CUX2: variants seen among roughly 807,000 people sequenced by gnomAD.
CUX2 encodes homeobox protein cut-like 2.
In CUX2, 40 loss-of-function variants were observed where a neutral mutation model predicts 144.8. That is an observed-to-expected ratio of 0.28 (90% CI 0.21 to 0.36). The LOEUF is 0.36. Among genes scored for constraint, CUX2 ranks in the 10% least tolerant of loss-of-function variants. The pLI is 1.00. For missense variants in CUX2, 1,615 were observed against 1,994.0 expected, an observed-to-expected ratio of 0.81 and a Z score of 3.62; for synonymous variants, 827 against 875.6, an observed-to-expected ratio of 0.94 and a Z score of 0.98.
intron 1 of CUX2, among the ~76,000 whole-genome samples, chr12:111,136,930 T>A (rs1272785850): frequency 6.6e-6 from 1 of 151,122 alleles, no homozygotes; most frequent in Non-Finnish European, 1.5e-5. Flanking sequence ...ATCCGCTGTT[T>A]ATTTTTTATG....
rs1214982799 is a variant in CUX2, at chr12:111,310,710, C to A, written c.1900+28C>A. Reference sequence around the variant, plus strand: ...GAGTGCCCAAGAGGGCCCGTCCCCGCTGGCCACCACGCCAGGTCCAGGGCA... The same window carrying A: ...GAGTGCCCAAGAGGGCCCGTCCCCGATGGCCACCACGCCAGGTCCAGGGCA... On this transcript the variant is annotated intron_variant, in intron 15 of 21. Coordinates refer to ENST00000261726, the MANE Select transcript of CUX2 (RefSeq NM_015267.4). This position sits in a 1 kb window ranked among gnomAD's most constrained non-coding sequence, Gnocchi z 7.9. 6.4e-7 allele frequency: 1 copy of A among 1,555,138 alleles called. No homozygotes were observed. Among genetic ancestry groups the A allele is most frequent in the Admixed American group, 1.7e-5 (1 of 57,330 alleles).
At chr12:111,231,931 C>A (rs1261953388) in intron 3 of CUX2, among the ~76,000 whole-genome samples, 2 of 151,894 alleles carry the variant, frequency 1.3e-5, no homozygotes, top group African/African-American at 4.8e-5. Context: ...CATGGTGAAA[C>A]CCTGTCTCTA....
intron 18 of CUX2, among the ~76,000 whole-genome samples, chr12:111,323,724 A>G (rs1396398578): frequency 2.0e-5 from 3 of 151,964 alleles, no homozygotes; most frequent in Non-Finnish European, 4.4e-5. Flanking sequence ...TGATCATCCC[A>G]CTGCACTCCG....
chr12:111,250,054 A>G (rs1235883190), intron 3 of CUX2, among the ~76,000 whole-genome samples: 1 of 152,150 alleles, frequency 6.6e-6, no homozygotes, highest in Non-Finnish European at 1.5e-5. Context: ...TGTCACTGCC[A>G]TCGGGAATAT....
intron 4 of CUX2, among the ~76,000 whole-genome samples, chr12:111,273,324 G>A (rs2136304059): frequency 6.6e-6 from 1 of 152,250 alleles, no homozygotes; most frequent in Admixed American, 6.5e-5. Flanking sequence ...CATACCCTGG[G>A]AGGTAGGTTC....
chr12:111,218,052 C>A, intron 3 of CUX2, 115 bp downstream of exon 3: 1 of 1,050,250 alleles, frequency 9.5e-7, no homozygotes, highest in Non-Finnish European at 1.5e-6. Flanking sequence ...GAGAAGCTTC[C>A]CTGTCCCCAT....
In CUX2 at chr12:111,320,892, C is replaced by T; in HGVS notation, c.2766+117C>T. 7 of 1,114,830 alleles carry T rather than the reference C, an allele frequency of 6.3e-6. No homozygotes were observed. Among genetic ancestry groups the T allele is most frequent in the Non-Finnish European group, 8.4e-6 (7 of 836,990 alleles). The allele number at this position is 1,114,830 out of a possible 1,614,324, so 69.1% of individuals were successfully genotyped here. ...GGGCCCAGGCCCTTCATTCCTGAGT[C>T]CTGCTGTCCCTGGGTCCCGCAGGAA... On this transcript the variant is annotated intron_variant, in intron 17 of 21. Transcript: ENST00000261726. The surrounding 1 kb of genome is among the most constrained non-coding windows in gnomAD (Gnocchi z 8.1).
intron 8 of CUX2, among the ~76,000 whole-genome samples, chr12:111,298,151 A>AG (rs1380748973): frequency 6.6e-6 from 1 of 152,150 alleles, no homozygotes; most frequent in Admixed American, 6.5e-5. Context: ...GGCAGCCTGC[A>AG]GGGGGCTGGG....
chr12:111,076,268 A>G (rs1871533803), intron 1 of CUX2, among the ~76,000 whole-genome samples: 1 of 152,226 alleles, frequency 6.6e-6, no homozygotes, highest in Non-Finnish European at 1.5e-5. Flanking sequence ...GAACTGATCT[A>G]AGGAGCAAAA....
At chr12:111,118,795 A>G (rs972760705) in intron 1 of CUX2, among the ~76,000 whole-genome samples, 11 of 152,190 alleles carry the variant, frequency 7.2e-5, no homozygotes, top group Non-Finnish European at 1.2e-4. Flanking sequence ...ATACAGATAT[A>G]CAGATTTTTT....
intron 18 of CUX2, among the ~76,000 whole-genome samples, chr12:111,327,790 G>A (rs1306083749): frequency 6.6e-6 from 1 of 152,112 alleles, no homozygotes; most frequent in African/African-American, 2.4e-5. Flanking sequence ...GGCACAGTGC[G>A]TCACACCTGT....
At chr12:111,121,499 C>T (rs1874689516) in intron 1 of CUX2, among the ~76,000 whole-genome samples, 1 of 150,994 alleles carries the variant, frequency 6.6e-6, no homozygotes, top group Non-Finnish European at 1.5e-5. Flanking sequence ...GCCTCAGCCT[C>T]CCGAGTAGCT....
At chr12:111,087,191 A>G (rs1182654158) in intron 1 of CUX2, among the ~76,000 whole-genome samples, 2 of 151,708 alleles carry the variant, frequency 1.3e-5, no homozygotes, top group South Asian at 2.1e-4. Flanking sequence ...CCCTGTCTCT[A>G]CCAAAAATAA....
intron 1 of CUX2, among the ~76,000 whole-genome samples, chr12:111,062,490 G>A (rs1485533614): frequency 6.6e-6 from 1 of 152,182 alleles, no homozygotes; most frequent in Admixed American, 6.5e-5. Flanking sequence ...GAGACGGCTC[G>A]AGCGAGGGGA....
chr12:111,298,880 T>G (rs937346637), intron 9 of CUX2, among the ~76,000 whole-genome samples: 1 of 152,146 alleles, frequency 6.6e-6, no homozygotes, highest in Non-Finnish European at 1.5e-5. Context: ...TGACCCAGAC[T>G]GCGGGAGTCC....
chr12:111,231,126 A>G (rs553497309), intron 3 of CUX2, among the ~76,000 whole-genome samples: 1 of 152,336 alleles, frequency 6.6e-6, no homozygotes, highest in East Asian at 1.9e-4. Flanking sequence ...CTGTTGTGCA[A>G]CCAACACCAC....
intron 1 of CUX2, among the ~76,000 whole-genome samples, chr12:111,129,541 GA>G (rs1875316062): frequency 6.6e-6 from 1 of 152,218 alleles, no homozygotes; most frequent in Admixed American, 6.5e-5. Context: ...GCTGCAATTG[GA>G]GCCACCACCT....
At chr12:111,339,218 C>T (rs1031034585) in intron 20 of CUX2, among the ~76,000 whole-genome samples, 3 of 151,732 alleles carry the variant, frequency 2.0e-5, no homozygotes, top group Non-Finnish European at 2.9e-5. Context: ...GGCGACAGAA[C>T]GACTCTGTCT....
At position 111,310,149 on chromosome 12, in the gene CUX2, C is replaced by A; in HGVS notation, c.1367C>A (p.Ser456Tyr). The A allele has an allele frequency of 6.5e-7, 1 of 1,542,530 alleles. No homozygotes were observed. Among genetic ancestry groups the A allele is most frequent in the South Asian group, 1.2e-5 (1 of 80,754 alleles). ...PPPPGPEDPL[S>Y]PSPGQPLLGP... The stretch of plus-strand genomic sequence containing the variant: ...CCACCAGGGCCAGAAGACCCCCTGT[C>A]TCCCAGCCCCGGGCAGCCCCTGCTG... The change falls in exon 15 of 22, where the codon TCT (serine) becomes TAT (tyrosine). Residue 456 changes from serine (S) to tyrosine (Y), a missense_variant. Physicochemically the swap from Ser to Tyr is moderately radical, Grantham distance 144 (BLOSUM62 -2). Coordinates refer to ENST00000261726, the MANE Select transcript of CUX2 (RefSeq NM_015267.4). This position sits in a 1 kb window ranked among gnomAD's most constrained non-coding sequence, Gnocchi z 7.9.
Sources: allele counts gnomAD v4.1 joint callset (sites outside exome capture counted in the v4.1 genomes callset), GRCh38; gene constraint gnomAD v4.1.1; non-coding constraint Gnocchi (gnomAD v3.1); transcripts MANE v1.5; gene names NCBI Gene and HGNC (gene_info 2026-07-23, HGNC 2026-07-21).